Variants in NAALAD2 observed in about 807,000 individuals in gnomAD.
NAALAD2 encodes N-acetylated-alpha-linked acidic dipeptidase 2.
A neutral mutation model predicts 95.6 loss-of-function variants in NAALAD2; 89 were observed. That is an observed-to-expected ratio of 0.93 (90% CI 0.78 to 1.11). The LOEUF (loss-of-function observed/expected upper bound fraction) is 1.11. Ranked by LOEUF, NAALAD2 falls within the 50% of genes least tolerant of loss-of-function variation. The probability of loss-of-function intolerance (pLI) is 0.00; values close to 1 mark genes in which losing one functional copy is unlikely to be tolerated. For synonymous variants in NAALAD2, 264 were observed against 294.4 expected, an observed-to-expected ratio of 0.90 and a Z score of 1.06; for missense variants, 894 against 872.4, an observed-to-expected ratio of 1.02 and a Z score of -0.31.
At chr11:90,151,749 T>C (rs1951893217) in intron 5 of NAALAD2, among the ~76,000 whole-genome samples, 1 of 152,180 alleles carries the variant, frequency 6.6e-6, no homozygotes, top group African/African-American at 2.4e-5. Context: ...TTTCCTATTT[T>C]TGGCCAGTTT....
upstream of NAALAD2, among the ~76,000 whole-genome samples, chr11:90,134,160 G>A (rs1951400078): frequency 2.0e-5 from 3 of 152,132 alleles, no homozygotes; most frequent in Non-Finnish European, 4.4e-5. Context: ...AGTTAAATGA[G>A]TGGAAACAGA....
chr11:90,191,805 C>T lies in NAALAD2; in HGVS notation c.*58C>T. On this transcript the variant is annotated 3_prime_UTR_variant, in exon 19 of 19. Transcript: ENST00000534061. ...GCTAAAAGTCTGAGGATAAAATTCA[C>T]CTTTCTGATAACTTATGAAGCCAGG... The T allele has an allele frequency of 7.5e-7, 1 of 1,327,400 alleles. No individual in the cohort carries two copies. The highest frequency in any genetic ancestry group is 1.0e-6 in the Non-Finnish European group (1 of 1,000,664). 82.2% of individuals were successfully genotyped at this position (1,327,400 alleles called of 1,614,324 possible).
intron 2 of NAALAD2, among the ~76,000 whole-genome samples, chr11:90,136,494 G>A (rs142664784): frequency 6.6e-6 from 1 of 152,192 alleles, no homozygotes; most frequent in African/African-American, 2.4e-5. Context: ...TATCACTGGA[G>A]ATTCATTTGC....
At chr11:90,167,918 G>T (rs539630546) in intron 11 of NAALAD2, among the ~76,000 whole-genome samples, 1 of 152,260 alleles carries the variant, frequency 6.6e-6, no homozygotes, top group African/African-American at 2.4e-5. Flanking sequence ...GGATGTGGGT[G>T]GGGTCAGATA....
intron 18 of NAALAD2, among the ~76,000 whole-genome samples, chr11:90,187,017 T>A (rs184634023): frequency 6.6e-6 from 1 of 151,526 alleles, no homozygotes; most frequent in Non-Finnish European, 1.5e-5. Context: ...GCGAAGGACA[T>A]GAACAGACAC....
chr11:90,178,467 C>G (rs558652335), intron 16 of NAALAD2, among the ~76,000 whole-genome samples: 3 of 151,942 alleles, frequency 2.0e-5, no homozygotes, highest in Non-Finnish European at 4.4e-5. Context: ...GTCAGGAGAT[C>G]GAGACCATTC....
chr11:90,174,234 G>A (rs1449128431), intron 14 of NAALAD2, among the ~76,000 whole-genome samples: 2 of 151,990 alleles, frequency 1.3e-5, no homozygotes, highest in African/African-American at 4.8e-5. Flanking sequence ...AGGAGGCTGA[G>A]GCAGGAGAAT....
chr11:90,163,229 GA>G (rs2134918854), intron 9 of NAALAD2, 80 bp from the exon 10 acceptor site: 1 of 1,434,248 alleles, frequency 7.0e-7, no homozygotes, highest in Non-Finnish European at 9.5e-7. Context: ...CAAGCAAGAG[GA>G]TGTTTATTTT....
chr11:90,159,131 T>C lies in NAALAD2; in HGVS notation c.891-108T>C, dbSNP rs116275726. ...TTGACAGTACCTGGCACTTAGTAAA[T>C]GACAAATATTTGTTATATATATGAA... is the stretch of plus-strand genomic sequence containing the variant. On this transcript the variant is annotated intron_variant, in intron 7 of 18. Coordinates refer to ENST00000534061, the MANE Select transcript of NAALAD2 (RefSeq NM_005467.4). 2.3e-3 allele frequency: 1,980 copies of C among 867,570 alleles called. 27 individuals carry two copies. The African/African-American group carries it at 0.029, about 13-fold the overall frequency. 53.7% of individuals were successfully genotyped at this position (867,570 alleles called of 1,614,324 possible).
Position 90,163,045 on chromosome 11 carries a change from T to A in NAALAD2, c.1075+11T>A, listed in dbSNP as rs901802362. The stretch of plus-strand genomic sequence containing the variant: ...GATCTGTGGAACCTGGTGAGTCACA[T>A]AATTTTTTAAAACATTTTGTTTTTA... On this transcript the variant is annotated intron_variant, in intron 9 of 18. Transcript: ENST00000534061. The A allele has an allele frequency of 1.3e-6, 2 of 1,516,012 alleles. No individual in the cohort carries two copies. Among genetic ancestry groups the A allele is most frequent in the African/African-American group, 1.4e-5 (1 of 71,090 alleles). 93.9% of individuals were successfully genotyped at this position (1,516,012 alleles called of 1,614,324 possible).
chr11:90,185,351 C>T (rs775327434), intron 18 of NAALAD2, among the ~76,000 whole-genome samples: 4 of 151,884 alleles, frequency 2.6e-5, no homozygotes, highest in South Asian at 2.1e-4. Flanking sequence ...TGGGACCATA[C>T]GTTACAATTT....
intron 6 of NAALAD2, among the ~76,000 whole-genome samples, chr11:90,157,474 G>T (rs1353951714): frequency 6.6e-6 from 1 of 151,312 alleles, no homozygotes; most frequent in Non-Finnish European, 1.5e-5. Context: ...ATGTTCTCTT[G>T]TTTTTTTTCC....
chr11:90,146,045 A>T (rs994183721), intron 2 of NAALAD2, among the ~76,000 whole-genome samples: 2 of 152,136 alleles, frequency 1.3e-5, no homozygotes, highest in African/African-American at 4.8e-5. Context: ...AGGATCGGGT[A>T]ACTACAATTT....
chr11:90,134,614 A>G, upstream of NAALAD2: 8 of 676,016 alleles, frequency 1.2e-5, no homozygotes, highest in South Asian at 1.3e-4. Context: ...ACAGGTCCCC[A>G]GCGGGTAGGG....
chr11:90,148,118 T>C lies in NAALAD2; in HGVS notation c.381+602T>C, dbSNP rs142133907. Among the ~76,000 whole-genome samples the C allele has an allele frequency of 7.6e-3, 1,163 of 152,232 alleles. 13 individuals carry two copies. Among genetic ancestry groups the C allele is most frequent in the African/African-American group, 0.026 (1,100 of 41,522 alleles). ...TTCAACTTCAGTTCACGGGAGCCAA[T>C]GACAAGTCCTGAGCAGGGGAAGGAT... On this transcript the variant is annotated intron_variant, in intron 3 of 18. Transcript: ENST00000534061.
intron 6 of NAALAD2, among the ~76,000 whole-genome samples, chr11:90,155,699 ATGTATTATTAT>A (rs1272330817): frequency 1.1e-4 from 5 of 47,164 alleles, no homozygotes; most frequent in Non-Finnish European, 1.4e-4. Context: ...ATACATATGT[ATGTATTATTAT>A]TGTATGTATG....
chr11:90,137,155 A>C (rs910737276), intron 2 of NAALAD2, among the ~76,000 whole-genome samples: 4 of 150,390 alleles, frequency 2.7e-5, no homozygotes, highest in African/African-American at 9.7e-5. Flanking sequence ...GAGCTAAAAA[A>C]AAATTGATCT....
At chr11:90,167,455 C>T (rs565386598) in intron 11 of NAALAD2, among the ~76,000 whole-genome samples, 1 of 152,302 alleles carries the variant, frequency 6.6e-6, no homozygotes, top group African/African-American at 2.4e-5. Flanking sequence ...ACAGCCGGAG[C>T]CTCCCGACGA....
chr11:90,178,947 T>C (rs1441432353), intron 16 of NAALAD2, among the ~76,000 whole-genome samples: 2 of 152,200 alleles, frequency 1.3e-5, no homozygotes, highest in Admixed American at 1.3e-4. Context: ...GCAGTGTATG[T>C]AGTAGCATTG....
Sources: gnomAD v4.1 joint callset for allele counts (sites outside exome capture counted in the v4.1 genomes callset) on GRCh38, gnomAD v4.1.1 for gene constraint, MANE v1.5 for transcripts, NCBI Gene and HGNC (gene_info 2026-07-23, HGNC 2026-07-21) for gene names.